PIK3CB: variants seen among roughly 807,000 people sequenced by gnomAD.
PIK3CB encodes phosphatidylinositol 4,5-bisphosphate 3-kinase catalytic subunit beta isoform.
A neutral mutation model predicts 136.8 loss-of-function variants in PIK3CB; 39 were observed. The ratio of observed to expected loss-of-function variants is 0.29; its 90% CI spans 0.22 to 0.37. The LOEUF (loss-of-function observed/expected upper bound fraction) is 0.37. PIK3CB is among the 10% of genes least tolerant of loss of function. The pLI is 1.00. For synonymous variants in PIK3CB, 428 were observed against 436.6 expected (o/e 0.98, Z 0.25); for missense variants, 868 against 1,275.4 (o/e 0.68, Z 4.87).
intron 6 of PIK3CB, among the ~76,000 whole-genome samples, chr3:138,737,119 T>C (rs1239504914): frequency 6.6e-6 from 1 of 152,110 alleles, no homozygotes; most frequent in Non-Finnish European, 1.5e-5. Context: ...CCGGGCACAG[T>C]GGCTTATGGC....
At chr3:138,749,769 C>A (rs893757250) in intron 4 of PIK3CB, among the ~76,000 whole-genome samples, 8 of 152,178 alleles carry the variant, frequency 5.3e-5, no homozygotes, top group African/African-American at 1.9e-4. Context: ...AAGAGGTCAT[C>A]CCTGATTCAC....
At chr3:138,826,372 G>T in intron 1 of PIK3CB, 1 of 1,530,662 alleles carries the variant, frequency 6.5e-7, no homozygotes, top group Non-Finnish European at 8.9e-7. Context: ...AATCAGTGGT[G>T]GAAGAATAGC....
intron 2 of PIK3CB, among the ~76,000 whole-genome samples, chr3:138,767,333 T>C (rs1363653613): frequency 6.6e-6 from 1 of 152,210 alleles, no homozygotes; most frequent in Non-Finnish European, 1.5e-5. Flanking sequence ...ACAGTAGCAC[T>C]TCCCTCAATC....
chr3:138,778,425 A>C (rs922040930), intron 2 of PIK3CB: 1 of 306,660 alleles, frequency 3.3e-6, no homozygotes, highest in African/African-American at 2.2e-5. Context: ...ATGGCTTTCC[A>C]GAACATCACT....
intron 19 of PIK3CB, 50 bp from the exon 20 acceptor site, chr3:138,665,253 A>G: frequency 2.2e-6 from 3 of 1,349,396 alleles, no homozygotes; most frequent in Non-Finnish European, 3.0e-6. Flanking sequence ...AAAATGAAAC[A>G]TTAATTTGGT....
rs774414160 is a variant in PIK3CB at position 138,691,023 on chromosome 3, C to A, written c.2013G>T (p.Gly671=). The A allele has an allele frequency of 6.2e-7, 1 of 1,612,922 alleles. No homozygotes were observed. Among genetic ancestry groups the A allele is most frequent in the Non-Finnish European group, 8.5e-7 (1 of 1,179,306 alleles). The change falls in exon 15 of 24, where the codon GGG becomes GGT. Residue 671 remains glycine (G), a synonymous_variant. Transcript: ENST00000674063. The stretch of plus-strand genomic sequence containing the variant: ...ACCTAAGATGCCAAAATAGAAACTG[C>A]CCTATCCTCCGATTACCAAGTGCTC... ...LERALGNRRI[G]QFLFWHLRSE...
chr3:138,831,608 CAAAATAA>C (rs1934040116), intron 1 of PIK3CB, among the ~76,000 whole-genome samples: 1 of 145,896 alleles, frequency 6.9e-6, no homozygotes, highest in Non-Finnish European at 1.5e-5. Flanking sequence ...TAAATAAAAA[CAAAATAA>C]AAAATAAAAA....
chr3:138,778,190 C>A (rs2045882701), intron 2 of PIK3CB: 1 of 457,726 alleles, frequency 2.2e-6, no homozygotes, highest in Non-Finnish European at 4.4e-6. Context: ...ATCATCTCTG[C>A]CCCCTCTGCT....
rs984401185 is a variant in PIK3CB, at chr3:138,654,273, C to T, written c.*1116G>A. On this transcript the variant is annotated 3_prime_UTR_variant, in exon 24 of 24. Coordinates refer to ENST00000674063, the MANE Select transcript of PIK3CB (RefSeq NM_006219.3). The stretch of plus-strand genomic sequence containing the variant: ...ACATTCAAACCAGTAGTTCCTATTG[C>T]ACATATTAACATTACTTGCCCCTAG... The T allele has an allele frequency of 4.7e-6, 1 of 213,134 alleles. No homozygotes were observed. Among genetic ancestry groups the T allele is most frequent in the Non-Finnish European group, 9.5e-6 (1 of 105,504 alleles). 13.2% of individuals were successfully genotyped at this position (213,134 alleles called of 1,614,324 possible).
At chr3:138,731,644 C>G (rs1199510221) in intron 8 of PIK3CB, among the ~76,000 whole-genome samples, 1 of 152,026 alleles carries the variant, frequency 6.6e-6, no homozygotes, top group African/African-American at 2.4e-5. Flanking sequence ...AGGATTACCA[C>G]TAAAATAGAA....
At chr3:138,692,504 A>C (rs535322996) in intron 14 of PIK3CB, among the ~76,000 whole-genome samples, 2 of 152,346 alleles carry the variant, frequency 1.3e-5, no homozygotes, top group East Asian at 3.9e-4. Context: ...TCATTTTTTA[A>C]AACTATCTAT....
chr3:138,758,138 T>C (rs1427453516), intron 3 of PIK3CB, among the ~76,000 whole-genome samples: 1 of 152,214 alleles, frequency 6.6e-6, no homozygotes, highest in African/African-American at 2.4e-5. Context: ...AACACTATGC[T>C]ATGCAAGCCA....
chr3:138,779,389 T>C (rs1000559533), intron 2 of PIK3CB, among the ~76,000 whole-genome samples: 2 of 29,162 alleles, frequency 6.9e-5, no homozygotes, highest in Non-Finnish European at 1.4e-4. Flanking sequence ...CCCGGCCTTC[T>C]TTTTTTTTTT....
At position 138,653,376 on chromosome 3, in the gene PIK3CB, A is replaced by G. The variant is rs1332222723; in HGVS notation, c.*2013T>C. On this transcript the variant is annotated 3_prime_UTR_variant, in exon 24 of 24. Transcript: ENST00000674063. Reference sequence around the variant, plus strand: ...CTTAACCCTTCAAAGAAAACAGGAAAGATACAATTTGGTGCCCATATGGGA... The same window carrying G: ...CTTAACCCTTCAAAGAAAACAGGAAGGATACAATTTGGTGCCCATATGGGA... The G allele has an allele frequency of 1.1e-5, 2 of 175,088 alleles. No individual in the cohort carries two copies. The highest frequency in any genetic ancestry group is 4.7e-5 in the African/African-American group (2 of 42,170). 10.8% of individuals were successfully genotyped at this position (175,088 alleles called of 1,614,324 possible). A position where few individuals can be genotyped will look rare whatever the true frequency, so the allele number is the denominator to read the frequency against.
At chr3:138,689,503 G>T (rs1295665396) in intron 15 of PIK3CB, among the ~76,000 whole-genome samples, 1 of 152,208 alleles carries the variant, frequency 6.6e-6, no homozygotes, top group Non-Finnish European at 1.5e-5. Flanking sequence ...ATGTGGCCAG[G>T]CTGGTCTAAA....
chr3:138,714,626 T>C lies in PIK3CB; in HGVS notation c.1144A>G (p.Asn382Asp). The C allele has an allele frequency of 6.2e-7, 1 of 1,613,246 alleles. No homozygotes were observed. Among genetic ancestry groups the C allele is most frequent in the South Asian group, 1.1e-5 (1 of 91,058 alleles). ...EVSGKNDHIW[N>D]EPLEFDINIC... is the part of the protein sequence containing the mutation. The stretch of plus-strand genomic sequence containing the variant: ...TTAATATCAAATTCCAGTGGTTCAT[T>C]CCAAATATGATCATTTTTCCCTGAT... Residue 382 changes from asparagine (N) to aspartate (D), a missense_variant, in exon 9 of 24, where the codon AAT becomes GAT. Asn to Asp is a conservative substitution (Grantham distance 23). Coordinates refer to ENST00000674063, the MANE Select transcript of PIK3CB (RefSeq NM_006219.3).
intron 21 of PIK3CB, 88 bp from the exon 22 acceptor site, chr3:138,657,923 G>C: frequency 7.8e-7 from 1 of 1,276,684 alleles, no homozygotes; most frequent in Non-Finnish European, 1.1e-6. Flanking sequence ...AGACCCCCAG[G>C]AACTATACCC....
chr3:138,777,931 C>T, intron 2 of PIK3CB: 1 of 284,232 alleles, frequency 3.5e-6, no homozygotes, highest in Non-Finnish European at 7.0e-6. Flanking sequence ...TCAAGGACCC[C>T]CTCATTGCCC....
At position 138,733,423 on chromosome 3, in the gene PIK3CB, TA is replaced by T; in HGVS notation, c.987del (p.Asn329LysfsTer21). 6.5e-7 allele frequency: 1 copy of T among 1,535,122 alleles called. No individual in the cohort carries two copies. Among genetic ancestry groups the T allele is most frequent in the Non-Finnish European group, 9.0e-7 (1 of 1,111,306 alleles). On this transcript the variant is annotated frameshift_variant, in exon 8 of 24. Transcript: ENST00000674063. LOFTEE classifies it high-confidence loss of function. Reference sequence around the variant, plus strand: ...ACCAAGACAATTTGGAAAGGGTTGTTATTTTCCCAAACATGCTGTAAAAGAA... The same window carrying T: ...ACCAAGACAATTTGGAAAGGGTTGTTTTTTCCCAAACATGCTGTAAAAGAA... ...KTRIISHVWE[N>X]NNPFQIVLVK...
Sources: gnomAD v4.1 joint callset for allele counts (sites outside exome capture counted in the v4.1 genomes callset) on GRCh38, gnomAD v4.1.1 for gene constraint, MANE v1.5 for transcripts, NCBI Gene and HGNC (gene_info 2026-07-23, HGNC 2026-07-21) for gene names.